Variants in FDFT1 observed in about 807,000 individuals in gnomAD.
FDFT1 encodes the protein squalene synthase.
Under a neutral mutation model 46.8 loss-of-function variants are expected in FDFT1, and 68 were observed. The ratio of observed to expected loss-of-function variants is 1.45; its 90% CI spans 1.19 to 1.78. The LOEUF is 1.78. FDFT1 is among the 40% of genes most tolerant of loss of function. The probability of loss-of-function intolerance (pLI) is 0.00; values close to 1 mark genes in which losing one functional copy is unlikely to be tolerated. For missense variants in FDFT1, 928 were observed against 524.4 expected (o/e 1.77, Z -7.52); for synonymous variants, 351 against 185.1 (o/e 1.90, Z -7.28).
At chr8:11,813,882 G>GT (rs1421016119) in intron 3 of FDFT1, among the ~76,000 whole-genome samples, 4 of 151,542 alleles carry the variant, frequency 2.6e-5, no homozygotes, top group African/African-American at 9.7e-5. Flanking sequence ...TGGGCACTGA[G>GT]TGCGGAGTCA....
chr8:11,822,022 C>A, intron 4 of FDFT1, 144 bp downstream of exon 4: 1 of 952,502 alleles, frequency 1.0e-6, no homozygotes, highest in South Asian at 1.6e-5. Flanking sequence ...AATGTCTCAT[C>A]ATAAACAGTT....
intron 7 of FDFT1, among the ~76,000 whole-genome samples, chr8:11,834,226 G>A (rs1811239248): frequency 6.6e-6 from 1 of 152,228 alleles, no homozygotes; most frequent in Non-Finnish European, 1.5e-5. Flanking sequence ...GGCTTGGAGT[G>A]CAGCCCCAGG....
At position 11,809,544 on chromosome 8, in the gene FDFT1, C is replaced by T. The variant is rs183102176; in HGVS notation, c.198-123C>T. Reference sequence around the variant, plus strand: ...GTTAAGTATGAAAAGCGTTGGATATCCTTATAGTTCTTTAGAGTTAAGGGT... The same window carrying T: ...GTTAAGTATGAAAAGCGTTGGATATTCTTATAGTTCTTTAGAGTTAAGGGT... On this transcript the variant is annotated intron_variant, in intron 2 of 7. Coordinates refer to ENST00000220584, the MANE Select transcript of FDFT1 (RefSeq NM_004462.5). The T allele has an allele frequency of 2.1e-5, 27 of 1,296,426 alleles. No homozygotes were observed. The East Asian group carries it at 5.5e-4, about 27-fold the overall frequency. 80.3% of individuals were successfully genotyped at this position (1,296,426 alleles called of 1,614,324 possible). A position where few individuals can be genotyped will look rare whatever the true frequency, so the allele number is the denominator to read the frequency against.
rs780284106 is a variant in FDFT1 at position 11,831,501 on chromosome 8, C to T, written c.880-17C>T. ...ACATCATTTCTTCTTTTTTCCCTCTCTTCTTGTTGTCTCTAGGTGATGGCC... is the reference window on the plus strand; with the variant it reads ...ACATCATTTCTTCTTTTTTCCCTCTTTTCTTGTTGTCTCTAGGTGATGGCC... On this transcript the variant is annotated splice_polypyrimidine_tract_variant and intron_variant, in intron 6 of 7. Transcript: ENST00000220584. 2.6e-6 allele frequency: 4 copies of T among 1,524,452 alleles called. No homozygotes were observed. The highest frequency in any genetic ancestry group is 2.3e-5 in the South Asian group (2 of 85,290). The allele number at this position is 1,524,452 out of a possible 1,614,324, so 94.4% of individuals were successfully genotyped here. A position where few individuals can be genotyped will look rare whatever the true frequency, so the allele number is the denominator to read the frequency against.
At chr8:11,808,726 ACT>A in intron 1 of FDFT1, 66 bp from the exon 2 acceptor site, 1 of 1,561,322 alleles carries the variant, frequency 6.4e-7, no homozygotes, top group South Asian at 1.2e-5. Flanking sequence ...TCCCACTCCC[ACT>A]CCCACTCCCA....
At chr8:11,804,232 A>T (rs1045377660) in intron 1 of FDFT1, among the ~76,000 whole-genome samples, 1 of 152,212 alleles carries the variant, frequency 6.6e-6, no homozygotes, top group African/African-American at 2.4e-5. Flanking sequence ...AGGGCAAGGG[A>T]TCTGAGTGCA....
At position 11,838,980 on chromosome 8, in the gene FDFT1, G is replaced by C. The variant is rs1046861594; in HGVS notation, c.*371G>C. 2 of 196,534 alleles carry C rather than the reference G, an allele frequency of 1.0e-5. No individual in the cohort carries two copies. Among genetic ancestry groups the C allele is most frequent in the Non-Finnish European group, 2.1e-5 (2 of 94,948 alleles). The allele number at this position is 196,534 out of a possible 1,614,324, so 12.2% of individuals were successfully genotyped here. A position where few individuals can be genotyped will look rare whatever the true frequency, so the allele number is the denominator to read the frequency against. On this transcript the variant is annotated 3_prime_UTR_variant, in exon 8 of 8. Coordinates refer to ENST00000220584, the MANE Select transcript of FDFT1 (RefSeq NM_004462.5). ...AATTTGAAGCACCATTTGAATGTTC[G>C]TAATAGTAGAAAATGATGTGAATTT...
upstream of FDFT1, among the ~76,000 whole-genome samples, chr8:11,800,746 T>G (rs147376467): frequency 1.2e-4 from 19 of 152,370 alleles, no homozygotes; most frequent in African/African-American, 4.6e-4. Flanking sequence ...CACAGGTCTT[T>G]GAATAAAGTT....
chr8:11,796,672 G>C (rs1000267964), intron 1 of FDFT1, among the ~76,000 whole-genome samples: 2 of 152,192 alleles, frequency 1.3e-5, no homozygotes, highest in African/African-American at 2.4e-5. Flanking sequence ...TCAGTGATTG[G>C]TTTGAGGAGC....
chr8:11,800,260 C>CAAAA (rs57381182), upstream of FDFT1, among the ~76,000 whole-genome samples: 13 of 57,914 alleles, frequency 2.2e-4, 1 homozygote, highest in African/African-American at 7.2e-4. Flanking sequence ...AATTCTGTCT[C>CAAAA]AAAAAAAAAA....
In FDFT1 at chr8:11,803,285, C is replaced by A. The variant is rs563320187; in HGVS notation, c.99+354C>A. ...TGTGGGTGGGTTACGCGGGAGAGGACGAGTGAGTTTTTTGGTAAGCGGAAT... is the reference window on the plus strand; with the variant it reads ...TGTGGGTGGGTTACGCGGGAGAGGAAGAGTGAGTTTTTTGGTAAGCGGAAT... On this transcript the variant is annotated intron_variant, in intron 1 of 7. Transcript: ENST00000220584. 4.5e-6 allele frequency: 6 copies of A among 1,321,796 alleles called. No individual in the cohort carries two copies. In the African/African-American group the frequency reaches 7.5e-5, roughly 16 times the overall value. The allele number at this position is 1,321,796 out of a possible 1,614,324, so 81.9% of individuals were successfully genotyped here.
chr8:11,805,128 G>C (rs1461051714), intron 1 of FDFT1, among the ~76,000 whole-genome samples: 1 of 151,500 alleles, frequency 6.6e-6, no homozygotes, highest in Non-Finnish European at 1.5e-5. Flanking sequence ...CATTGCCCAG[G>C]CTGGTCTTGA....
At chr8:11,808,436 G>T in intron 1 of FDFT1, 2 of 1,267,074 alleles carry the variant, frequency 1.6e-6, no homozygotes, top group Non-Finnish European at 2.0e-6. Flanking sequence ...AGTAGAGGGC[G>T]AGCCCGTCCC....
intron 3 of FDFT1, among the ~76,000 whole-genome samples, chr8:11,810,782 T>G (rs540579569): frequency 6.6e-6 from 1 of 152,128 alleles, no homozygotes; most frequent in Non-Finnish European, 1.5e-5. Context: ...AAGCCCTTTT[T>G]GTCCACAGTT....
chr8:11,824,282 T>A (rs1001270131), intron 4 of FDFT1, among the ~76,000 whole-genome samples: 1 of 152,184 alleles, frequency 6.6e-6, no homozygotes, highest in Non-Finnish European at 1.5e-5. Flanking sequence ...GATACCCTTT[T>A]CAGAGGAGGA....
At chr8:11,834,655 A>G (rs1052588603) in intron 7 of FDFT1, among the ~76,000 whole-genome samples, 1 of 152,184 alleles carries the variant, frequency 6.6e-6, no homozygotes, top group Admixed American at 6.5e-5. Flanking sequence ...GGAAGTTTAG[A>G]TGTTCATAGA....
rs1811956864 is a variant in FDFT1, at chr8:11,838,965, A to C, written c.*356A>C. 4.6e-6 allele frequency: 1 copy of C among 215,240 alleles called. No homozygotes were observed. The highest frequency in any genetic ancestry group is 5.2e-5 in the Admixed American group (1 of 19,154). The allele number at this position is 215,240 out of a possible 1,614,324, so 13.3% of individuals were successfully genotyped here. ...TAATTAAAAGTATTTAATTTGAAGCACCATTTGAATGTTCGTAATAGTAGA... is the reference window on the plus strand; with the variant it reads ...TAATTAAAAGTATTTAATTTGAAGCCCCATTTGAATGTTCGTAATAGTAGA... On this transcript the variant is annotated 3_prime_UTR_variant, in exon 8 of 8. Coordinates refer to ENST00000220584, the MANE Select transcript of FDFT1 (RefSeq NM_004462.5).
upstream of FDFT1, among the ~76,000 whole-genome samples, chr8:11,801,299 G>T (rs1806095513): frequency 6.6e-6 from 1 of 152,132 alleles, no homozygotes; most frequent in Non-Finnish European, 1.5e-5. Context: ...AACAGCTTTG[G>T]GCAGTGAACG....
intron 5 of FDFT1, among the ~76,000 whole-genome samples, chr8:11,829,154 T>G (rs1326577547): frequency 6.7e-6 from 1 of 148,486 alleles, no homozygotes; most frequent in Non-Finnish European, 1.5e-5. Context: ...CACTTGTTGT[T>G]ATCTCTTTTT....
Sources: gnomAD v4.1 joint callset for allele counts (sites outside exome capture counted in the v4.1 genomes callset) on GRCh38, gnomAD v4.1.1 for gene constraint, MANE v1.5 for transcripts, NCBI Gene and HGNC (gene_info 2026-07-23, HGNC 2026-07-21) for gene names.